PDE10A: variants seen among roughly 807,000 people sequenced by gnomAD.
PDE10A encodes cAMP and cAMP-inhibited cGMP 3',5'-cyclic phosphodiesterase 10A.
In PDE10A, 39 loss-of-function variants were observed where a neutral mutation model predicts 97.7. The ratio of observed to expected loss-of-function variants is 0.40; its 90% CI spans 0.31 to 0.52. PDE10A has a LOEUF of 0.52. PDE10A is among the 20% of genes least tolerant of loss of function. The pLI, the probability that PDE10A is intolerant of heterozygous loss-of-function variation, is 0.56. For synonymous variants in PDE10A, 371 were observed against 376.8 expected, an observed-to-expected ratio of 0.98 and a Z score of 0.18; for missense variants, 731 against 1,047.8, an observed-to-expected ratio of 0.70 and a Z score of 4.17.
At chr6:165,858,000 G>T (rs936377199) in intron 1 of PDE10A, among the ~76,000 whole-genome samples, 30 of 152,166 alleles carry the variant, frequency 2.0e-4, no homozygotes, top group Non-Finnish European at 2.4e-4. Flanking sequence ...TGTCCTGTTT[G>T]TTTGGAAATA....
chr6:165,694,517 T>C (rs1241442271), intron 1 of PDE10A, among the ~76,000 whole-genome samples: 1 of 152,204 alleles, frequency 6.6e-6, no homozygotes, highest in Non-Finnish European at 1.5e-5. Flanking sequence ...TCCCTAAGTG[T>C]CTTATCACAG....
At chr6:165,704,914 C>A (rs1416747167) in intron 1 of PDE10A, among the ~76,000 whole-genome samples, 1 of 152,188 alleles carries the variant, frequency 6.6e-6, no homozygotes, top group African/African-American at 2.4e-5. Context: ...TACCAGGGCT[C>A]CCCTCATTCA....
chr6:165,584,970 G>A (rs748546578), intron 1 of PDE10A, among the ~76,000 whole-genome samples: 6 of 152,172 alleles, frequency 3.9e-5, no homozygotes, highest in Non-Finnish European at 7.3e-5. Flanking sequence ...CAATGTTTAT[G>A]AGTATTTCTT....
chr6:165,399,624 G>A (rs1786473784), intron 13 of PDE10A, among the ~76,000 whole-genome samples: 2 of 146,082 alleles, frequency 1.4e-5, no homozygotes, highest in African/African-American at 2.6e-5. Context: ...CCCTTCCTGT[G>A]TCCATGTGTT....
intron 1 of PDE10A, chr6:165,940,212 T>TA (rs1783465094): frequency 6.6e-6 from 1 of 152,260 alleles, no homozygotes; most frequent in Admixed American, 6.5e-5. Context: ...TATGTTGTAG[T>TA]GTCTTTAGTA....
At chr6:165,340,306 T>A (rs1287594621) in intron 19 of PDE10A, among the ~76,000 whole-genome samples, 1 of 152,232 alleles carries the variant, frequency 6.6e-6, no homozygotes, top group Non-Finnish European at 1.5e-5. Flanking sequence ...ATTATTTTAG[T>A]AACGTTGGTC....
At chr6:165,846,066 C>A (rs566268632) in intron 1 of PDE10A, among the ~76,000 whole-genome samples, 2 of 152,294 alleles carry the variant, frequency 1.3e-5, no homozygotes, top group Admixed American at 1.3e-4. Context: ...TGCATGACAG[C>A]CTACAATCAA....
At chr6:165,856,127 T>C (rs1015730434) in intron 1 of PDE10A, among the ~76,000 whole-genome samples, 5 of 152,170 alleles carry the variant, frequency 3.3e-5, no homozygotes, top group Non-Finnish European at 7.4e-5. Flanking sequence ...AGGGGCTCCC[T>C]GAGGGCTGGG....
intron 1 of PDE10A, among the ~76,000 whole-genome samples, chr6:165,563,668 A>C (rs557845333): frequency 1.2e-4 from 19 of 152,192 alleles, no homozygotes; most frequent in African/African-American, 4.1e-4. Flanking sequence ...GGCAGGCCCG[A>C]TCACTTGAGG....
intron 1 of PDE10A, among the ~76,000 whole-genome samples, chr6:165,556,022 AC>A (rs1784234038): frequency 6.6e-6 from 1 of 152,252 alleles, no homozygotes; most frequent in Non-Finnish European, 1.5e-5. Flanking sequence ...GCCTACAAAT[AC>A]CGAAAATTTT....
chr6:165,922,430 G>A (rs958684559), intron 1 of PDE10A, among the ~76,000 whole-genome samples: 1 of 152,154 alleles, frequency 6.6e-6, no homozygotes, highest in Non-Finnish European at 1.5e-5. Flanking sequence ...GGCTCTTGCT[G>A]GTGCTACTTG....
intron 1 of PDE10A, among the ~76,000 whole-genome samples, chr6:165,858,527 G>A (rs1413526697): frequency 6.6e-6 from 1 of 152,214 alleles, no homozygotes; most frequent in Non-Finnish European, 1.5e-5. Context: ...CACTGGGGGT[G>A]AGTGCTCCAT....
intron 1 of PDE10A, among the ~76,000 whole-genome samples, chr6:165,871,696 G>T (rs192562847): frequency 9.2e-4 from 140 of 152,290 alleles, no homozygotes; most frequent in African/African-American, 3.1e-3. Context: ...CCCCAGGCAG[G>T]GTAAGTGCCA....
At chr6:165,758,572 AGAG>A (rs1348288670) in intron 1 of PDE10A, among the ~76,000 whole-genome samples, 5 of 151,918 alleles carry the variant, frequency 3.3e-5, no homozygotes, top group Non-Finnish European at 7.4e-5. Flanking sequence ...AGGAAGAAGA[AGAG>A]GAAGAGGAAG....
At chr6:165,660,791 C>T (rs955527448) in intron 1 of PDE10A, 1 of 151,580 alleles carries the variant, frequency 6.6e-6, no homozygotes, top group African/African-American at 2.4e-5. Flanking sequence ...CAGACAAAGG[C>T]TCGGGTGCAC....
intron 1 of PDE10A, among the ~76,000 whole-genome samples, chr6:165,909,395 G>C (rs1437943866): frequency 6.6e-6 from 1 of 152,224 alleles, no homozygotes; most frequent in African/African-American, 2.4e-5. Flanking sequence ...TATATTGCTC[G>C]CTGTGTTAGT....
intron 2 of PDE10A, among the ~76,000 whole-genome samples, chr6:165,516,917 T>C (rs1360511032): frequency 2.0e-5 from 3 of 152,120 alleles, no homozygotes; most frequent in Admixed American, 2.0e-4. Context: ...CAATATATAA[T>C]TACTCTAAAG....
chr6:165,795,754 CA>C (rs1047015787), intron 1 of PDE10A, among the ~76,000 whole-genome samples: 1 of 150,626 alleles, frequency 6.6e-6, no homozygotes, highest in Non-Finnish European at 1.5e-5. Flanking sequence ...AACTCCATCT[CA>C]AAAAAAAAGT....
chr6:165,527,036 T>C (rs1782489091), intron 2 of PDE10A, among the ~76,000 whole-genome samples: 1 of 152,168 alleles, frequency 6.6e-6, no homozygotes, highest in Non-Finnish European at 1.5e-5. Context: ...GGTAAGACAT[T>C]TGTGTGCCAG....
Sources: allele counts gnomAD v4.1 joint callset (sites outside exome capture counted in the v4.1 genomes callset), GRCh38; gene constraint gnomAD v4.1.1; transcripts MANE v1.5; gene names NCBI Gene and HGNC (gene_info 2026-07-23, HGNC 2026-07-21).